The following TRIO variants were observed in gnomAD, a reference collection of about 807,000 sequenced individuals.
TRIO encodes the protein triple functional domain protein.
TRIO carries 58 observed loss-of-function variants against 351.9 expected under a neutral mutation model. The ratio of observed to expected loss-of-function variants is 0.16; its 90% CI spans 0.13 to 0.21. The LOEUF is 0.21. TRIO is among the 10% of genes least tolerant of loss of function. The pLI is 1.00. For missense variants in TRIO, 3,201 were observed against 4,027.8 expected, an observed-to-expected ratio of 0.79 and a Z score of 5.56; for synonymous variants, 1,758 against 1,595.7, an observed-to-expected ratio of 1.10 and a Z score of -2.42.
At chr5:14,507,672 G>C (rs1173703565) in intron 56 of TRIO, among the ~76,000 whole-genome samples, 1 of 152,174 alleles carries the variant, frequency 6.6e-6, no homozygotes, top group South Asian at 2.1e-4. Context: ...GAGCTGCCCT[G>C]TGTGGATCTG....
chr5:14,207,503 G>A (rs1164063222), intron 1 of TRIO, among the ~76,000 whole-genome samples: 2 of 69,444 alleles, frequency 2.9e-5, no homozygotes, highest in East Asian at 9.1e-4. Context: ...CAGCCAGGTA[G>A]CATAGCAAGA....
chr5:14,361,507 TC>T (rs375234939), intron 13 of TRIO, among the ~76,000 whole-genome samples: 133 of 152,290 alleles, frequency 8.7e-4, no homozygotes, highest in African/African-American at 3.1e-3. Context: ...AAAATGAAAA[TC>T]TGAGCAGTTC....
At chr5:14,304,189 A>G (rs1333735521) in intron 7 of TRIO, among the ~76,000 whole-genome samples, 1 of 152,168 alleles carries the variant, frequency 6.6e-6, no homozygotes, top group Non-Finnish European at 1.5e-5. Context: ...GCATTGCTCT[A>G]GGGGCACACC....
At chr5:14,402,911 A>C (rs1240707202) in intron 31 of TRIO, among the ~76,000 whole-genome samples, 2 of 151,376 alleles carry the variant, frequency 1.3e-5, no homozygotes, top group Admixed American at 6.6e-5. Flanking sequence ...GTGAGGGTAC[A>C]GATTTTGTTG....
At chr5:14,410,470 G>C (rs1044316117) in intron 33 of TRIO, among the ~76,000 whole-genome samples, 1 of 152,102 alleles carries the variant, frequency 6.6e-6, no homozygotes, top group Non-Finnish European at 1.5e-5. Flanking sequence ...CCCCATCTCC[G>C]GTGACGGTAA....
Position 14,358,245 on chromosome 5 carries a change from C to G in TRIO, c.2114C>G (p.Ala705Gly), listed in dbSNP as rs867222123. The G allele has an allele frequency of 6.2e-7, 1 of 1,614,178 alleles. No homozygotes were observed. Residue 705 changes from alanine (A) to glycine (G), a missense_variant, in exon 12 of 57, where the codon GCC becomes GGC. Coordinates refer to ENST00000344204, the MANE Select transcript of TRIO (RefSeq NM_007118.4). Reference sequence around the variant, plus strand: ...GACGTGTATGCCGAGTCGGTGGAGGCCGTGCAGGACCTCATCAAGCGCTTT... The same window carrying G: ...GACGTGTATGCCGAGTCGGTGGAGGGCGTGCAGGACCTCATCAAGCGCTTT... The part of the protein sequence containing the change: ...LDDVYAESVE[A>G]VQDLIKRFGQ...
chr5:14,203,786 A>G (rs757549757), intron 1 of TRIO, among the ~76,000 whole-genome samples: 2 of 151,828 alleles, frequency 1.3e-5, no homozygotes, highest in Non-Finnish European at 2.9e-5. Context: ...AGCTGTACAA[A>G]GCCTAGTCCT....
chr5:14,277,711 C>G (rs1735664735), intron 2 of TRIO, among the ~76,000 whole-genome samples: 2 of 152,190 alleles, frequency 1.3e-5, no homozygotes, highest in African/African-American at 2.4e-5. Context: ...TTGGGTACTT[C>G]CTGTGATGTT....
intron 49 of TRIO, among the ~76,000 whole-genome samples, chr5:14,493,109 G>T (rs955774047): frequency 1.3e-5 from 2 of 152,146 alleles, no homozygotes; most frequent in East Asian, 3.8e-4. Flanking sequence ...TTGTTTGTTT[G>T]TTTGTTTGTT....
intron 25 of TRIO, among the ~76,000 whole-genome samples, chr5:14,389,606 A>G (rs1475187094): frequency 3.3e-5 from 5 of 152,232 alleles, no homozygotes; most frequent in Non-Finnish European, 5.9e-5. Context: ...CTTATCTTCT[A>G]CAGAAATAAG....
At chr5:14,492,057 A>G (rs1481262572) in intron 48 of TRIO, among the ~76,000 whole-genome samples, 1 of 152,260 alleles carries the variant, frequency 6.6e-6, no homozygotes, top group African/African-American at 2.4e-5. Flanking sequence ...GCAACTTAGC[A>G]TGATTCTAGA....
chr5:14,438,670 A>C (rs1268623485), intron 34 of TRIO, among the ~76,000 whole-genome samples: 1 of 152,212 alleles, frequency 6.6e-6, no homozygotes, highest in Non-Finnish European at 1.5e-5. Flanking sequence ...TGGTAGAAAT[A>C]GGCCTTGGCG....
At chr5:14,496,407 G>C (rs572160338) in intron 49 of TRIO, among the ~76,000 whole-genome samples, 1 of 152,214 alleles carries the variant, frequency 6.6e-6, no homozygotes, top group African/African-American at 2.4e-5. Context: ...GGTGCAGGCT[G>C]AGCCTGAAGA....
chr5:14,202,293 G>GTTTTTTTT (rs1561196197), intron 1 of TRIO, among the ~76,000 whole-genome samples: 3 of 34,348 alleles, frequency 8.7e-5, no homozygotes, highest in Admixed American at 3.5e-4. Context: ...ATATTTTTGT[G>GTTTTTTTT]ATTTTTTTTT....
At position 14,504,584 on chromosome 5, in the gene TRIO, T is replaced by G; in HGVS notation, c.8603T>G (p.Val2868Gly). ...TFETPTSYIL[V>G]LEMADQGRLL... ...GAGACCCCCACCAGCTACATCCTGG[T>G]CTTAGAAATGTGCGTACACACCTGG... Residue 2868 changes from valine (V) to glycine (G), a missense_variant, in exon 55 of 57, where the codon GTC becomes GGC. By Grantham distance (109) the Val-to-Gly change is moderately radical. This residue lies in a region of TRIO where 1,089 missense variants were observed against 954.9 expected (regional missense o/e 1.14). Transcript: ENST00000344204. 6.2e-7 allele frequency: 1 copy of G among 1,614,036 alleles called. No homozygotes were observed. Among genetic ancestry groups the G allele is most frequent in the Non-Finnish European group, 8.5e-7 (1 of 1,180,000 alleles).
intron 20 of TRIO, among the ~76,000 whole-genome samples, chr5:14,379,644 T>A (rs1226857153): frequency 6.6e-6 from 1 of 152,232 alleles, no homozygotes; most frequent in East Asian, 1.9e-4. Context: ...TAGAGATGGT[T>A]TCAGGTTCTT....
chr5:14,368,204 T>C (rs1178114101), intron 16 of TRIO, among the ~76,000 whole-genome samples: 1 of 152,272 alleles, frequency 6.6e-6, no homozygotes, highest in Non-Finnish European at 1.5e-5. Flanking sequence ...AGTTGTTTCA[T>C]TCTTAGCTTT....
At chr5:14,312,012 TTGC>T (rs918001655) in intron 8 of TRIO, among the ~76,000 whole-genome samples, 1 of 152,212 alleles carries the variant, frequency 6.6e-6, no homozygotes, top group African/African-American at 2.4e-5. Flanking sequence ...GTTGTTGCTT[TTGC>T]AGTGGTAAGC....
chr5:14,286,520 C>T lies in TRIO; in HGVS notation c.348-351C>T, dbSNP rs1356973016. Among the ~76,000 whole-genome samples, 1 of 152,012 alleles carries T rather than the reference C, an allele frequency of 6.6e-6. No homozygotes were observed. Among genetic ancestry groups the T allele is most frequent in the Non-Finnish European group, 1.5e-5 (1 of 68,014 alleles). ...CCGATGCTCCCTGGAGACCTTTGCTCGCAGGAGTGACTGGAGGAGTTCATG... is the reference window on the plus strand; with the variant it reads ...CCGATGCTCCCTGGAGACCTTTGCTTGCAGGAGTGACTGGAGGAGTTCATG... On this transcript the variant is annotated intron_variant, in intron 3 of 56. Coordinates refer to ENST00000344204, the MANE Select transcript of TRIO (RefSeq NM_007118.4). This position sits in a 1 kb window ranked among gnomAD's most constrained non-coding sequence, Gnocchi z 4.4.
Sources: gnomAD v4.1 joint callset for allele counts (sites outside exome capture counted in the v4.1 genomes callset) on GRCh38, gnomAD v4.1.1 for gene constraint, gnomAD v4.1.1 regional missense constraint, Gnocchi (gnomAD v3.1) non-coding constraint, MANE v1.5 for transcripts, NCBI Gene and HGNC (gene_info 2026-07-23, HGNC 2026-07-21) for gene names.